Variants in APOB observed in about 807,000 individuals in gnomAD.
APOB encodes apolipoprotein B, also known as apolipoprotein B-100.
In APOB, 153 loss-of-function variants were observed where a neutral mutation model predicts 314.1. The observed-to-expected ratio is 0.49, with a 90% CI of 0.43 to 0.56. The LOEUF (loss-of-function observed/expected upper bound fraction) is 0.56. Ranked by LOEUF, APOB falls within the 20% of genes least tolerant of loss-of-function variation. The probability of loss-of-function intolerance (pLI) is 0.00; values close to 1 mark genes in which losing one functional copy is unlikely to be tolerated. For missense variants in APOB, 5,430 were observed against 5,350.7 expected, an observed-to-expected ratio of 1.01 and a Z score of -0.46; for synonymous variants, 2,087 against 2,036.4, an observed-to-expected ratio of 1.02 and a Z score of -0.67.
chr2:21,044,062 C>G lies in APOB; in HGVS notation c.-117G>C. 1 of 423,246 alleles carries G rather than the reference C, an allele frequency of 2.4e-6. No homozygotes were observed. Among genetic ancestry groups the G allele is most frequent in the East Asian group, 4.5e-5 (1 of 22,410 alleles). The allele number at this position is 423,246 out of a possible 1,614,324, so 26.2% of individuals were successfully genotyped here. A position where few individuals can be genotyped will look rare whatever the true frequency, so the allele number is the denominator to read the frequency against. ...GAGAAGGGCACTCAGCCCCGCAGGT[C>G]CCGGTGGGAATGCGCGGCCGGCGCC... On this transcript the variant is annotated 5_prime_UTR_variant, in exon 1 of 29. Coordinates refer to ENST00000233242, the MANE Select transcript of APOB (RefSeq NM_000384.3).
rs756249471 is a variant in APOB, at chr2:21,043,827, C to T, written c.82+37G>A. On this transcript the variant is annotated intron_variant, in intron 1 of 28. Transcript: ENST00000233242. ...CAACCTCGTGCCGCCGGCTCCCTCC[C>T]GCTCCCTCTGCGCCCGCAGAGCGGC... The T allele has an allele frequency of 2.6e-4, 397 of 1,534,682 alleles. 2 individuals are homozygous for T. Among genetic ancestry groups the T allele is most frequent in the Non-Finnish European group, 3.2e-4 (368 of 1,146,612 alleles).
chr2:21,034,981 T>A (rs1663965994), intron 7 of APOB, 80 bp from the exon 8 acceptor site: 1 of 811,574 alleles, frequency 1.2e-6, no homozygotes, highest in African/African-American at 1.7e-5. Context: ...TCCCTGTCTC[T>A]GCATCTACCC....
Position 21,022,936 on chromosome 2 carries a change from T to G in APOB, c.2711A>C (p.Asn904Thr). 1 of 1,614,162 alleles carries G rather than the reference T, an allele frequency of 6.2e-7. No homozygotes were observed. Among genetic ancestry groups the G allele is most frequent in the Non-Finnish European group, 8.5e-7 (1 of 1,180,020 alleles). ...FARSGVQMNT[N>T]FFHESGLEAH... ...CTCCAGACCCGACTCGTGGAAGAAG[T>G]TGGTGTTCATCTGGACCCCACTCCT... Residue 904 changes from asparagine to threonine, a missense_variant, in exon 18 of 29, where the codon AAC becomes ACC. Around this residue, in one of 3 missense-constraint regions of APOB, gnomAD observed 2,085 missense variants for 2,079.7 expected, o/e 1.00. Transcript: ENST00000233242.
intron 4 of APOB, among the ~76,000 whole-genome samples, chr2:21,039,057 C>T (rs957498861): frequency 6.6e-6 from 1 of 152,176 alleles, no homozygotes; most frequent in African/African-American, 2.4e-5. Context: ...AATACCAAAA[C>T]AAACATCCTT....
At position 21,002,409 on chromosome 2, in the gene APOB, C is replaced by G; in HGVS notation, c.13013G>C (p.Ser4338Thr). 1 of 1,598,546 alleles carries G rather than the reference C, an allele frequency of 6.3e-7. No homozygotes were observed. Among genetic ancestry groups the G allele is most frequent in the Non-Finnish European group, 8.5e-7 (1 of 1,171,094 alleles). Residue 4338 changes from serine (S) to threonine (T), a missense_variant, in exon 29 of 29, where the codon AGT becomes ACT. Ser to Thr is a moderately conservative substitution (Grantham distance 58, BLOSUM62 1). Coordinates refer to ENST00000233242, the MANE Select transcript of APOB (RefSeq NM_000384.3). ...TTTAAAAACATATGGGATATAATCA[C>G]TGAAGATTGTGTTGATCTCATCTTG... is the stretch of plus-strand genomic sequence containing the variant. ...YIQDEINTIF[S>T]DYIPYVFKLL...
In APOB at chr2:21,028,376, C is replaced by A. The variant is rs1466408599; in HGVS notation, c.1780G>T (p.Ala594Ser). 6.2e-7 allele frequency: 1 copy of A among 1,614,130 alleles called. No homozygotes were observed. The highest frequency in any genetic ancestry group is 1.3e-5 in the African/African-American group (1 of 75,026). The change falls in exon 13 of 29, where the codon GCT becomes TCT. Residue 594 changes from alanine (A) to serine (S), a missense_variant. By Grantham distance (99) the Ala-to-Ser change is moderately conservative. Around this residue, in one of 3 missense-constraint regions of APOB, gnomAD observed 2,085 missense variants for 2,079.7 expected, o/e 1.00. Transcript: ENST00000233242. ...EQNEQVKNFV[A>S]SHIANILNSE... Reference sequence around the variant, plus strand: ...TTCAAGATATTGGCAATATGGGAAGCCACAAAGTTCTTCACTTGCTCATTC... The same window carrying A: ...TTCAAGATATTGGCAATATGGGAAGACACAAAGTTCTTCACTTGCTCATTC...
intron 4 of APOB, among the ~76,000 whole-genome samples, chr2:21,038,784 G>A (rs1327946861): frequency 1.3e-5 from 2 of 152,212 alleles, no homozygotes; most frequent in East Asian, 3.9e-4. Context: ...ACATGGGTGA[G>A]TGCAAACAGA....
Position 21,010,405 on chromosome 2 carries a change from C to A in APOB, c.6463G>T (p.Asp2155Tyr). 1 of 1,595,852 alleles carries A rather than the reference C, an allele frequency of 6.3e-7. No homozygotes were observed. Residue 2155 changes from aspartate (D) to tyrosine (Y), a missense_variant, in exon 26 of 29, where the codon GAT becomes TAT. Physicochemically the swap from Asp to Tyr is radical, Grantham distance 160 (BLOSUM62 -3). Transcript: ENST00000233242. The stretch of plus-strand genomic sequence containing the variant: ...GCATCATCTAATGCAATTTGTATAT[C>A]ATTTTCTGTAATTCTATACTTTTTT... ...LTKKYRITEN[D>Y]IQIALDDAKI... is the part of the protein sequence containing the mutation.
rs903021879 is a variant in APOB, at chr2:21,024,913, A to C, written c.2436+20T>G. On this transcript the variant is annotated intron_variant, in intron 16 of 28. Coordinates refer to ENST00000233242, the MANE Select transcript of APOB (RefSeq NM_000384.3). ...CCAACGTCTGGTCTCATGGGCCCCC[A>C]GTGGGGCCTGCTGACTTACCATCTG... 1 of 1,613,388 alleles carries C rather than the reference A, an allele frequency of 6.2e-7. No individual in the cohort carries two copies. Among genetic ancestry groups the C allele is most frequent in the African/African-American group, 1.3e-5 (1 of 75,006 alleles).
rs79087014 is a variant in APOB, at chr2:21,010,530, G to T, written c.6338C>A (p.Ala2113Glu). The change falls in exon 26 of 29, where the codon GCA becomes GAA. Residue 2113 changes from alanine (A) to glutamate (E), a missense_variant. Physicochemically the swap from Ala to Glu is moderately radical, Grantham distance 107 (BLOSUM62 -1). This residue lies in a region of APOB where 3,281 missense variants were observed against 3,171.0 expected (regional missense o/e 1.03). Transcript: ENST00000233242. ...TTGCTGTGGGAGTTTTCCCAGGGCT[G>T]CTCTGTATTTTCTTACAAATTGATC... ...NIDQFVRKYRAALGKLPQQAN... is the reference protein window; with the variant it reads ...NIDQFVRKYREALGKLPQQAN... 6.2e-7 allele frequency: 1 copy of T among 1,610,110 alleles called. No homozygotes were observed. The highest frequency in any genetic ancestry group is 8.5e-7 in the Non-Finnish European group (1 of 1,177,156).
chr2:21,039,106 G>A (rs560530414), intron 4 of APOB, among the ~76,000 whole-genome samples: 1 of 152,068 alleles, frequency 6.6e-6, no homozygotes, highest in Non-Finnish European at 1.5e-5. Flanking sequence ...TTATTTTCAT[G>A]GGCTAGAGTC....
intron 20 of APOB, 140 bp downstream of exon 20, chr2:21,018,852 A>G: frequency 8.2e-7 from 1 of 1,225,058 alleles, no homozygotes; most frequent in Non-Finnish European, 1.2e-6. Context: ...CAGTTAACCC[A>G]GGTCTTAGAA....
chr2:21,018,750 G>T (rs917442510), intron 20 of APOB, among the ~76,000 whole-genome samples: 1 of 151,962 alleles, frequency 6.6e-6, no homozygotes, highest in African/African-American at 2.4e-5. Flanking sequence ...AACTTGTTTG[G>T]TTGTTCACTG....
rs779154032 is a variant in APOB, at chr2:21,008,725, C to T, written c.8143G>A (p.Glu2715Lys). Residue 2715 changes from glutamate to lysine, a missense_variant, in exon 26 of 29, where the codon GAA (glutamate) becomes AAA (lysine). Coordinates refer to ENST00000233242, the MANE Select transcript of APOB (RefSeq NM_000384.3). ...RITLPDFRLPEIAIPEFIIPT... is the reference protein window; with the variant it reads ...RITLPDFRLPKIAIPEFIIPT... ...ATTATGAATTCTGGAATTGCGATTT[C>T]TGGTAAACGGAAGTCTGGCAGGGTG... 8.7e-6 allele frequency: 14 copies of T among 1,614,066 alleles called. No individual in the cohort carries two copies. Among genetic ancestry groups the T allele is most frequent in the Non-Finnish European group, 1.2e-5 (14 of 1,179,970 alleles).
Position 21,015,650 on chromosome 2 carries a change from G to C in APOB, c.3333-105C>G, listed in dbSNP as rs184339983. 4.0e-5 allele frequency: 49 copies of C among 1,239,234 alleles called. No individual in the cohort carries two copies. The Admixed American group carries it at 7.8e-4, about 20-fold the overall frequency. The allele number at this position is 1,239,234 out of a possible 1,614,324, so 76.8% of individuals were successfully genotyped here. A position where few individuals can be genotyped will look rare whatever the true frequency, so the allele number is the denominator to read the frequency against. ...TGTGGTGATCAAAACCAGATACAAG[G>C]ATGGTTCAGAGAAACAGCCACAGAT... On this transcript the variant is annotated intron_variant, in intron 21 of 28. Transcript: ENST00000233242.
At chr2:21,017,553 C>T (rs1047116118) in intron 20 of APOB, among the ~76,000 whole-genome samples, 1 of 152,090 alleles carries the variant, frequency 6.6e-6, no homozygotes, top group African/African-American at 2.4e-5. Flanking sequence ...GTCAGGAATG[C>T]AAAGGCCCTG....
rs746192335 is a variant in APOB at position 21,009,432 on chromosome 2, A to C, written c.7436T>G (p.Val2479Gly). 1 of 1,614,084 alleles carries C rather than the reference A, an allele frequency of 6.2e-7. No individual in the cohort carries two copies. Among genetic ancestry groups the C allele is most frequent in the Non-Finnish European group, 8.5e-7 (1 of 1,179,972 alleles). Reference sequence around the variant, plus strand: ...GGTGTCCTGTAGGCTTTCCAGATACACTGCAACTGTGGCCTTGGTTTCCTC... The same window carrying C: ...GGTGTCCTGTAGGCTTTCCAGATACCCTGCAACTGTGGCCTTGGTTTCCTC... The part of the protein sequence containing the change: ...FLEETKATVA[V>G]YLESLQDTKI... Residue 2479 changes from valine to glycine, a missense_variant, in exon 26 of 29, where the codon GTG becomes GGG. Physicochemically the swap from Val to Gly is moderately radical, Grantham distance 109. Around this residue, in one of 3 missense-constraint regions of APOB, gnomAD observed 3,281 missense variants for 3,171.0 expected, o/e 1.03. Transcript: ENST00000233242.
At chr2:21,021,724 A>C (rs543297418) in intron 18 of APOB, among the ~76,000 whole-genome samples, 3 of 152,204 alleles carry the variant, frequency 2.0e-5, no homozygotes, top group Non-Finnish European at 4.4e-5. Flanking sequence ...ACTCTGACAC[A>C]GTCCTCAGTT....
chr2:21,006,821 T>A lies in APOB; in HGVS notation c.10047A>T (p.Thr3349=). The change falls in exon 26 of 29, where the codon ACA becomes ACT. Residue 3349 remains threonine, a synonymous_variant. Coordinates refer to ENST00000233242, the MANE Select transcript of APOB (RefSeq NM_000384.3). ...TAAAAAGTTCAGCATTGGTATTCAGTGTGATGACACTTGATTTAAAGGAGA... is the reference window on the plus strand; with the variant it reads ...TAAAAAGTTCAGCATTGGTATTCAGAGTGATGACACTTGATTTAAAGGAGA... ...YDFSFKSSVI[T]LNTNAELFNQ... is the part of the protein sequence containing the mutation. 1 of 1,614,076 alleles carries A rather than the reference T, an allele frequency of 6.2e-7. No individual in the cohort carries two copies.
Sources: gnomAD v4.1 joint callset for allele counts (sites outside exome capture counted in the v4.1 genomes callset) on GRCh38, gnomAD v4.1.1 for gene constraint, gnomAD v4.1.1 regional missense constraint, MANE v1.5 for transcripts, NCBI Gene and HGNC (gene_info 2026-07-23, HGNC 2026-07-21) for gene names.